The following ERCC6L2 variants were observed in gnomAD, a reference collection of about 807,000 sequenced individuals.
ERCC6L2 encodes the protein DNA excision repair protein ERCC-6-like 2.
In ERCC6L2, 77 loss-of-function variants were observed where a neutral mutation model predicts 132.0. The observed-to-expected ratio is 0.58, with a 90% CI of 0.49 to 0.71. ERCC6L2 has a LOEUF of 0.71. ERCC6L2 is among the 30% of genes least tolerant of loss of function. The pLI is 0.00. For missense variants in ERCC6L2, 1,542 were observed against 1,837.6 expected (o/e 0.84, Z 2.94); for synonymous variants, 583 against 632.4 (o/e 0.92, Z 1.17).
intron 6 of ERCC6L2, among the ~76,000 whole-genome samples, chr9:95,916,662 T>G (rs1829609997): frequency 1.3e-5 from 2 of 151,712 alleles, no homozygotes; most frequent in South Asian, 4.2e-4. Context: ...TAGTATACAT[T>G]AAACTCATTT....
At chr9:96,038,184 T>TA (rs1234432769) in intron 19 of ERCC6L2, among the ~76,000 whole-genome samples, 5 of 151,828 alleles carry the variant, frequency 3.3e-5, no homozygotes, top group Non-Finnish European at 5.9e-5. Flanking sequence ...TTAGCTTTTT[T>TA]AAAAAAAATA....
intron 2 of ERCC6L2, among the ~76,000 whole-genome samples, chr9:95,884,953 TG>T (rs937552047): frequency 6.6e-6 from 1 of 152,156 alleles, no homozygotes; most frequent in Non-Finnish European, 1.5e-5. Context: ...TAAGGTGAAT[TG>T]GAAGGACAGA....
intron 3 of ERCC6L2, among the ~76,000 whole-genome samples, chr9:95,899,674 T>C (rs988007601): frequency 1.1e-4 from 17 of 150,646 alleles, no homozygotes; most frequent in Admixed American, 9.3e-4. Flanking sequence ...CACACACACA[T>C]ATACAGTTGT....
chr9:95,878,957 A>G (rs985862105), intron 1 of ERCC6L2, among the ~76,000 whole-genome samples: 2 of 152,146 alleles, frequency 1.3e-5, no homozygotes, highest in African/African-American at 4.8e-5. Context: ...TAGTGCCGCA[A>G]TAAACATACG....
chr9:95,994,809 T>TA (rs765457968), intron 17 of ERCC6L2, among the ~76,000 whole-genome samples: 5 of 152,222 alleles, frequency 3.3e-5, no homozygotes, highest in Non-Finnish European at 7.3e-5. Flanking sequence ...ACTTGAAACT[T>TA]GCTCTCCTGG....
At chr9:95,907,857 C>CACAAACA in intron 4 of ERCC6L2, among the ~76,000 whole-genome samples, 1 of 133,814 alleles carries the variant, frequency 7.5e-6, no homozygotes, top group Admixed American at 7.7e-5. Flanking sequence ...ACACACACAC[C>CACAAACA]CCCACACCCA....
intron 19 of ERCC6L2, among the ~76,000 whole-genome samples, chr9:96,030,701 C>CA (rs35421948): frequency 0.43 from 34,574 of 79,630 alleles, 6,625 homozygotes; most frequent in East Asian, 0.56. Context: ...GACTCCATCT[C>CA]AAAAAAAAAA....
intron 11 of ERCC6L2, among the ~76,000 whole-genome samples, chr9:95,931,176 C>CT (rs962525271): frequency 3.2e-4 from 49 of 152,314 alleles, no homozygotes; most frequent in African/African-American, 1.1e-3. Flanking sequence ...TATGTTTGCA[C>CT]TGTTCAGTTC....
intron 17 of ERCC6L2, among the ~76,000 whole-genome samples, chr9:96,003,423 G>A (rs1833756257): frequency 6.6e-6 from 1 of 152,176 alleles, no homozygotes; most frequent in African/African-American, 2.4e-5. Flanking sequence ...TCCACACATG[G>A]CACTGGCTGG....
intron 11 of ERCC6L2, among the ~76,000 whole-genome samples, chr9:95,933,893 A>G (rs936171207): frequency 2.0e-5 from 3 of 151,840 alleles, no homozygotes; most frequent in African/African-American, 7.3e-5. Context: ...GAACTAGCAT[A>G]TATGAAAATA....
intron 13 of ERCC6L2, among the ~76,000 whole-genome samples, chr9:95,960,647 G>A (rs1831857724): frequency 6.6e-6 from 1 of 152,126 alleles, no homozygotes; most frequent in African/African-American, 2.4e-5. Context: ...TCCAGAAGGA[G>A]TGTGGTCGTG....
At chr9:96,010,905 T>C (rs1834006487) in intron 18 of ERCC6L2, among the ~76,000 whole-genome samples, 1 of 152,232 alleles carries the variant, frequency 6.6e-6, no homozygotes, top group South Asian at 2.1e-4. Flanking sequence ...GTTAAGTGAA[T>C]AAATAAATGA....
At chr9:95,881,665 T>C (rs1239876336) in intron 2 of ERCC6L2, among the ~76,000 whole-genome samples, 1 of 152,230 alleles carries the variant, frequency 6.6e-6, no homozygotes, top group Non-Finnish European at 1.5e-5. Context: ...AAATTGTTCC[T>C]ATAGGCCTTT....
Position 95,972,516 on chromosome 9 carries a change from A to G in ERCC6L2, c.2765A>G (p.Lys922Arg). 1 of 1,290,014 alleles carries G rather than the reference A, an allele frequency of 7.8e-7. No homozygotes were observed. Among genetic ancestry groups the G allele is most frequent in the Non-Finnish European group, 1.0e-6 (1 of 988,902 alleles). 79.9% of individuals were successfully genotyped at this position (1,290,014 alleles called of 1,614,324 possible). A position where few individuals can be genotyped will look rare whatever the true frequency, so the allele number is the denominator to read the frequency against. The change falls in exon 16 of 19, where the codon AAG becomes AGG. Residue 922 changes from lysine (K) to arginine (R), a missense_variant. Physicochemically the swap from Lys to Arg is conservative, Grantham distance 26. This residue lies in a region of ERCC6L2 where 945 missense variants were observed against 1,105.2 expected (regional missense o/e 0.86). Coordinates refer to ENST00000653738, the MANE Select transcript of ERCC6L2 (RefSeq NM_020207.7). ...ERFPDNSIRF[K>R]PPLEGSEDSE... ...TTCCCCGACAATAGTATAAGGTTTA[A>G]GCCACCCTTGGAAGGATCTGAGGAT...
rs746362971 is a variant in ERCC6L2 at position 95,876,036 on chromosome 9, C to G, written c.-3C>G. On this transcript the variant is annotated 5_prime_UTR_variant, in exon 1 of 19. Coordinates refer to ENST00000653738, the MANE Select transcript of ERCC6L2 (RefSeq NM_020207.7). ...GCCGGGCTCGGCCCCTCCCCCTGGCCGGATGGATCCGTCGGCGCCACAGCC... is the reference window on the plus strand; with the variant it reads ...GCCGGGCTCGGCCCCTCCCCCTGGCGGGATGGATCCGTCGGCGCCACAGCC... 2.5e-6 allele frequency: 4 copies of G among 1,588,982 alleles called. No individual in the cohort carries two copies. Among genetic ancestry groups the G allele is most frequent in the South Asian group, 1.1e-5 (1 of 87,302 alleles).
intron 16 of ERCC6L2, 107 bp downstream of exon 16, chr9:95,973,195 C>A: frequency 1.4e-6 from 1 of 718,302 alleles, no homozygotes; most frequent in Non-Finnish European, 2.0e-6. Flanking sequence ...AATCAAGATG[C>A]TGCATTGAGG....
chr9:96,003,254 A>G (rs1401516424), intron 17 of ERCC6L2, among the ~76,000 whole-genome samples: 3 of 152,080 alleles, frequency 2.0e-5, no homozygotes, highest in African/African-American at 7.2e-5. Flanking sequence ...TTCTGTTTTC[A>G]TTGGAATCAA....
chr9:95,981,318 T>C (rs928999966), intron 17 of ERCC6L2, among the ~76,000 whole-genome samples: 18 of 152,198 alleles, frequency 1.2e-4, no homozygotes, highest in Non-Finnish European at 2.9e-5. Context: ...AAAAACTGAA[T>C]CTACTCTTCA....
chr9:96,024,824 G>C (rs1834340200), intron 19 of ERCC6L2, among the ~76,000 whole-genome samples: 1 of 152,096 alleles, frequency 6.6e-6, no homozygotes, highest in African/African-American at 2.4e-5. Context: ...CCTCAACTCT[G>C]CACTCATCCT....
Sources: gnomAD v4.1 joint callset for allele counts (sites outside exome capture counted in the v4.1 genomes callset) on GRCh38, gnomAD v4.1.1 for gene constraint, gnomAD v4.1.1 regional missense constraint, MANE v1.5 for transcripts, NCBI Gene and HGNC (gene_info 2026-07-23, HGNC 2026-07-21) for gene names.